The following CCDC91 variants were observed in gnomAD, a reference collection of about 807,000 sequenced individuals.
The protein encoded by CCDC91 is coiled-coil domain-containing protein 91.
Under a neutral mutation model 63.2 loss-of-function variants are expected in CCDC91, and 48 were observed. The ratio of observed to expected loss-of-function variants is 0.76; its 90% CI spans 0.60 to 0.97. The LOEUF is 0.97. Among genes scored for constraint, CCDC91 ranks in the 50% least tolerant of loss-of-function variants. CCDC91 has a pLI of 0.00. For missense variants in CCDC91, 500 were observed against 494.6 expected (o/e 1.01, Z -0.10); for synonymous variants, 167 against 165.8 (o/e 1.01, Z -0.06).
chr12:28,399,099 G>A (rs2139454377), intron 8 of CCDC91, among the ~76,000 whole-genome samples: 1 of 152,262 alleles, frequency 6.6e-6, no homozygotes, highest in Non-Finnish European at 1.5e-5. Flanking sequence ...AGTTCTGCAT[G>A]GCTGGGGAGG....
intron 6 of CCDC91, among the ~76,000 whole-genome samples, chr12:28,321,561 C>CATT (rs1429436280): frequency 1.1e-4 from 16 of 151,858 alleles, no homozygotes; most frequent in Admixed American, 1.1e-3. Flanking sequence ...TAGATGAAGT[C>CATT]ATTAGGATGG....
chr12:28,211,144 T>C (rs939313901), intron 1 of CCDC91, among the ~76,000 whole-genome samples: 1 of 150,386 alleles, frequency 6.6e-6, no homozygotes, highest in Non-Finnish European at 1.5e-5. Flanking sequence ...TTTTTTGTGT[T>C]AATTAAAACT....
chr12:28,209,255 C>G (rs1943067503), intron 1 of CCDC91, among the ~76,000 whole-genome samples: 1 of 152,154 alleles, frequency 6.6e-6, no homozygotes, highest in South Asian at 2.1e-4. Flanking sequence ...AGGTGAGATT[C>G]TCATAAACCT....
intron 3 of CCDC91, chr12:28,302,571 CAGT>C (rs1938193067): frequency 1.2e-6 from 1 of 862,332 alleles, no homozygotes; most frequent in African/African-American, 1.8e-5. Context: ...TTTACCTAGA[CAGT>C]AATATTGTGA....
intron 3 of CCDC91, among the ~76,000 whole-genome samples, chr12:28,279,239 T>G (rs1403062928): frequency 3.6e-5 from 2 of 56,278 alleles, no homozygotes; most frequent in African/African-American, 9.3e-5. Context: ...TATAAAAGTT[T>G]GTCTCTGTAT....
intron 12 of CCDC91, among the ~76,000 whole-genome samples, chr12:28,499,349 C>T (rs1952489466): frequency 7.7e-6 from 1 of 130,580 alleles, no homozygotes; most frequent in African/African-American, 2.5e-5. Flanking sequence ...TATATGGCAC[C>T]TCACTTTTAT....
chr12:28,211,934 G>A lies in CCDC91; in HGVS notation c.-15+21293G>A, dbSNP rs539753991. ...GTAAGAGGCCTCTAACTGGTCCCTA[G>A]CCAGTTAATTTCTGGATCAAATCCA... is the stretch of plus-strand genomic sequence containing the variant. On this transcript the variant is annotated intron_variant, in intron 1 of 12. Coordinates refer to ENST00000536442, the MANE Select transcript of CCDC91 (RefSeq NM_018318.5). Among the ~76,000 whole-genome samples the A allele has an allele frequency of 6.6e-5, 10 of 152,228 alleles. No individual in the cohort carries two copies. In the East Asian group the frequency reaches 1.9e-3, roughly 29 times the overall value.
At chr12:28,536,453 A>G (rs1199439664) in intron 12 of CCDC91, among the ~76,000 whole-genome samples, 2 of 152,204 alleles carry the variant, frequency 1.3e-5, no homozygotes, top group African/African-American at 4.8e-5. Flanking sequence ...TGACCTAGAA[A>G]TATGTTTCAT....
chr12:28,212,105 GA>G (rs1269272100), intron 1 of CCDC91, among the ~76,000 whole-genome samples: 1 of 152,192 alleles, frequency 6.6e-6, no homozygotes, highest in Non-Finnish European at 1.5e-5. Context: ...CAGCCACTGT[GA>G]GATCAGTGGA....
At chr12:28,495,183 T>C (rs1157777220) in intron 12 of CCDC91, among the ~76,000 whole-genome samples, 2 of 151,742 alleles carry the variant, frequency 1.3e-5, no homozygotes, top group Admixed American at 6.6e-5. Flanking sequence ...ATCTGTGATA[T>C]TATTGCGATA....
intron 6 of CCDC91, among the ~76,000 whole-genome samples, chr12:28,335,210 TATAAATATGTAG>T (rs1265239348): frequency 7.2e-6 from 1 of 138,386 alleles, no homozygotes; most frequent in Non-Finnish European, 1.5e-5. Context: ...TATATATTCA[TATAAATATGTAG>T]ATAAATACAT....
chr12:28,235,384 G>A (rs1309321681), intron 1 of CCDC91, among the ~76,000 whole-genome samples: 1 of 152,122 alleles, frequency 6.6e-6, no homozygotes, highest in Non-Finnish European at 1.5e-5. Flanking sequence ...TCTGGTGGAT[G>A]TCAATGTTAA....
In CCDC91 at chr12:28,257,250, G is replaced by A. The variant is rs1456887131; in HGVS notation, c.30+5G>A. On this transcript the variant is annotated splice_donor_5th_base_variant and intron_variant, in intron 2 of 12. Transcript: ENST00000536442. ...GATGATTTTGGTGGTTTTGAGGTAT[G>A]CACTGTTATTTACATTAGTTTGTTT... 2.5e-6 allele frequency: 4 copies of A among 1,600,392 alleles called. No homozygotes were observed. Among genetic ancestry groups the A allele is most frequent in the African/African-American group, 1.3e-5 (1 of 74,576 alleles).
At chr12:28,276,211 T>A (rs1011628435) in intron 3 of CCDC91, among the ~76,000 whole-genome samples, 10 of 152,004 alleles carry the variant, frequency 6.6e-5, no homozygotes, top group Non-Finnish European at 1.5e-5. Context: ...GTATGTATGT[T>A]TGTGTGTGTA....
chr12:28,229,558 G>T (rs1286747682), intron 1 of CCDC91, among the ~76,000 whole-genome samples: 1 of 152,142 alleles, frequency 6.6e-6, no homozygotes, highest in Non-Finnish European at 1.5e-5. Flanking sequence ...TCCAGGGACT[G>T]GCTAAGGCAA....
chr12:28,346,008 A>AT (rs1264505857), intron 6 of CCDC91, among the ~76,000 whole-genome samples: 4 of 151,634 alleles, frequency 2.6e-5, no homozygotes, highest in Admixed American at 2.6e-4. Flanking sequence ...ATTCATTGTG[A>AT]TTTTTTTCCA....
chr12:28,312,784 T>C (rs536217661), intron 6 of CCDC91, among the ~76,000 whole-genome samples: 1 of 152,128 alleles, frequency 6.6e-6, no homozygotes, highest in East Asian at 1.9e-4. Context: ...ATAGTAAATG[T>C]CTCACGAGAT....
At chr12:28,226,230 TG>T (rs1944265370) in intron 1 of CCDC91, 1 of 152,228 alleles carries the variant, frequency 6.6e-6, no homozygotes, top group South Asian at 2.1e-4. Flanking sequence ...TGGTTGTGAC[TG>T]GAACAGGGAA....
chr12:28,528,274 G>T (rs974722752), intron 12 of CCDC91, among the ~76,000 whole-genome samples: 8 of 152,062 alleles, frequency 5.3e-5, no homozygotes, highest in African/African-American at 1.7e-4. Context: ...CCCACAGGGG[G>T]ACCCTAGAGC....
Sources: allele counts gnomAD v4.1 joint callset (sites outside exome capture counted in the v4.1 genomes callset), GRCh38; gene constraint gnomAD v4.1.1; transcripts MANE v1.5; gene names NCBI Gene and HGNC (gene_info 2026-07-23, HGNC 2026-07-21).